ASMT: variants seen among roughly 807,000 people sequenced by gnomAD.
The protein encoded by ASMT is acetylserotonin N-methyltransferase.
ASMT carries 53 observed loss-of-function variants against 41.3 expected under a neutral mutation model. That is an observed-to-expected ratio of 1.28 (90% confidence interval 1.03 to 1.61). The LOEUF is 1.61. Among genes scored for constraint, ASMT ranks in the 40% most tolerant of loss-of-function variants. ASMT has a pLI of 0.00. For missense variants in ASMT, 531 were observed against 441.3 expected (o/e 1.20, Z -1.82); for synonymous variants, 231 against 184.8 (o/e 1.25, Z -2.03).
At chrX:1,615,736 A>G (rs762640804) in intron 1 of ASMT, among the ~76,000 whole-genome samples, 2 of 151,892 alleles carry the variant, frequency 1.3e-5, no homozygotes, top group South Asian at 4.2e-4. Context: ...TGGGAGGCGG[A>G]GGTTGCAGTG....
intron 8 of ASMT, among the ~76,000 whole-genome samples, chrX:1,636,921 GA>G (rs1934992972): frequency 2.8e-5 from 3 of 107,318 alleles, no homozygotes; most frequent in Admixed American, 8.4e-5. Flanking sequence ...CTCTGTGTGT[GA>G]TGGGGACAGT....
chrX:1,621,735 G>A lies in ASMT; in HGVS notation c.70-1404G>A, dbSNP rs1934343869. Among the ~76,000 whole-genome samples the A allele has an allele frequency of 2.0e-5, 3 of 152,098 alleles. No individual in the cohort carries two copies. The South Asian group carries it at 6.2e-4, about 32-fold the overall frequency. ...ATTGAGACGGAGTTTCGCTCTTGTT[G>A]CCCAGGCTGGAGTGCAATGGCACGA... On this transcript the variant is annotated intron_variant, in intron 1 of 8. Coordinates refer to ENST00000381241, the MANE Select transcript of ASMT (RefSeq NM_001171038.2).
intron 7 of ASMT, among the ~76,000 whole-genome samples, chrX:1,633,871 C>T (rs1392868804): frequency 7.9e-5 from 12 of 152,152 alleles, no homozygotes; most frequent in South Asian, 6.2e-4. Context: ...ATCTCCTGAC[C>T]GCGTGATCCG....
chrX:1,624,164 G>A, intron 2 of ASMT, 105 bp from the exon 3 acceptor site: 2 of 1,445,698 alleles, frequency 1.4e-6, no homozygotes, highest in Non-Finnish European at 9.7e-7. Context: ...GAAGAGATGG[G>A]CTTGTAATCA....
chrX:1,627,537 C>T (rs190076999), intron 3 of ASMT, 166 bp from the exon 4 acceptor site: 48 of 190,944 alleles, frequency 2.5e-4, no homozygotes, highest in African/African-American at 6.8e-4. Context: ...AGGAGAATGG[C>T]GTGAACCCAG....
chrX:1,627,579 C>T, intron 3 of ASMT, 124 bp from the exon 4 acceptor site: 1 of 989,700 alleles, frequency 1.0e-6, no homozygotes, highest in Non-Finnish European at 1.6e-6. Flanking sequence ...CGAGATCGTG[C>T]CATTGCACTC....
chrX:1,635,753 T>A (rs1934934904), intron 7 of ASMT, among the ~76,000 whole-genome samples: 1 of 151,390 alleles, frequency 6.6e-6, no homozygotes, highest in African/African-American at 2.4e-5. Flanking sequence ...TCCCAGCTAC[T>A]CAGGAGGCTG....
At chrX:1,633,110 G>T in intron 6 of ASMT, 40 bp from the exon 7 acceptor site, 1 of 1,613,506 alleles carries the variant, frequency 6.2e-7, no homozygotes, top group African/African-American at 1.3e-5. Flanking sequence ...TGTCTCTCAG[G>T]TTCATCTCTG....
Position 1,627,697 on chromosome X carries a change from T to G in ASMT, c.375-6T>G. On this transcript the variant is annotated splice_region_variant and splice_polypyrimidine_tract_variant and intron_variant, in intron 3 of 8. Coordinates refer to ENST00000381241, the MANE Select transcript of ASMT (RefSeq NM_001171038.2). ...ATGAAAATCAGCCTTCTCTCTCTTT[T>G]CTTAGAGAAGGAAGGAACCAGTACC... 6.2e-7 allele frequency: 1 copy of G among 1,611,090 alleles called. No homozygotes were observed. Among genetic ancestry groups the G allele is most frequent in the Non-Finnish European group, 8.5e-7 (1 of 1,177,310 alleles).
intron 3 of ASMT, among the ~76,000 whole-genome samples, chrX:1,626,923 G>A (rs764639971): frequency 6.6e-6 from 1 of 151,990 alleles, no homozygotes; most frequent in East Asian, 1.9e-4. Context: ...CAGCTACTCG[G>A]GAGGTTGAGG....
chrX:1,618,921 C>T (rs1184435193), intron 1 of ASMT, among the ~76,000 whole-genome samples: 2 of 152,170 alleles, frequency 1.3e-5, no homozygotes, highest in Non-Finnish European at 2.9e-5. Context: ...CTTGGAAGAG[C>T]AGTCACTTTA....
intron 8 of ASMT, among the ~76,000 whole-genome samples, chrX:1,641,527 T>A (rs1241570706): frequency 4.9e-5 from 7 of 141,808 alleles, no homozygotes; most frequent in East Asian, 2.2e-4. Flanking sequence ...TCTGTGTGTG[T>A]GTTGGGGACA....
intron 5 of ASMT, among the ~76,000 whole-genome samples, chrX:1,630,451 G>A (rs1369969922): frequency 1.3e-5 from 2 of 152,026 alleles, no homozygotes; most frequent in South Asian, 2.1e-4. Flanking sequence ...GATTATGGGT[G>A]CGCACCACTC....
At chrX:1,624,160 A>T in intron 2 of ASMT, 109 bp from the exon 3 acceptor site, 1 of 1,424,496 alleles carries the variant, frequency 7.0e-7, no homozygotes. Context: ...TAAAGAAGAG[A>T]TGGGCTTGTA....
Position 1,615,267 on chromosome X carries a change from A to G in ASMT, c.68A>G (p.Gln23Arg), listed in dbSNP as rs760323130. ...TACGCCAACGGCTTCATGGTGTCCC[A>G]GGTAGGATACGCTCTGTGGGACAAG... Reference protein sequence around the residue: ...NDYANGFMVSQVLFAACELGV... With the variant: ...NDYANGFMVSRVLFAACELGV... Residue 23 changes from glutamine (Q) to arginine (R), a missense_variant and splice_region_variant, in exon 1 of 9, where the codon CAG becomes CGG. Gln to Arg is a conservative substitution (Grantham distance 43). Coordinates refer to ENST00000381241, the MANE Select transcript of ASMT (RefSeq NM_001171038.2). The G allele has an allele frequency of 2.5e-6, 4 of 1,591,168 alleles. No individual in the cohort carries two copies. In the South Asian group the frequency reaches 4.6e-5, roughly 18 times the overall value.
rs121918823 is a variant in ASMT at position 1,623,250 on chromosome X, G to C, written c.181G>C (p.Glu61Gln). The C allele has an allele frequency of 3.1e-6, 5 of 1,613,890 alleles. No homozygotes were observed. Among genetic ancestry groups the C allele is most frequent in the Non-Finnish European group, 4.2e-6 (5 of 1,179,882 alleles). ...AGVRASAHGT[E>Q]LLLDICVSLK... is the part of the protein sequence containing the mutation. The stretch of plus-strand genomic sequence containing the variant: ...TGTGAGGGCCAGCGCCCATGGGACA[G>C]AGCTCCTGCTGGACATCTGTGTGTC... The change falls in exon 2 of 9, where the codon GAG becomes CAG. Residue 61 changes from glutamate to glutamine, a missense_variant. Coordinates refer to ENST00000381241, the MANE Select transcript of ASMT (RefSeq NM_001171038.2).
At chrX:1,629,381 C>T (rs6588806) in intron 4 of ASMT, among the ~76,000 whole-genome samples, 26,161 of 151,684 alleles carry the variant, frequency 0.17, 2,235 homozygotes, top group East Asian at 0.35. Context: ...CCTCTGTGTC[C>T]ACCTATCCTT....
At chrX:1,633,802 C>A (rs1254361381) in intron 7 of ASMT, among the ~76,000 whole-genome samples, 1 of 152,136 alleles carries the variant, frequency 6.6e-6, no homozygotes, top group African/African-American at 2.4e-5. Flanking sequence ...CCACACCTGG[C>A]TAATCTTTTA....
chrX:1,622,647 C>A (rs1433359218), intron 1 of ASMT, among the ~76,000 whole-genome samples: 1 of 151,968 alleles, frequency 6.6e-6, no homozygotes, highest in Admixed American at 6.6e-5. Flanking sequence ...GGCGCAATGG[C>A]TCACGCCTGT....
Sources: gnomAD v4.1 joint callset for allele counts (sites outside exome capture counted in the v4.1 genomes callset) on GRCh38, gnomAD v4.1.1 for gene constraint, MANE v1.5 for transcripts, NCBI Gene and HGNC (gene_info 2026-07-23, HGNC 2026-07-21) for gene names.